The following ANKS1A variants were observed in gnomAD, a reference collection of about 807,000 sequenced individuals.
ANKS1A encodes ankyrin repeat and SAM domain-containing protein 1A.
In ANKS1A, 55 loss-of-function variants were observed where a neutral mutation model predicts 120.3. That is an observed-to-expected ratio of 0.46 (90% CI 0.37 to 0.57). The LOEUF is 0.57. ANKS1A is among the 20% of genes least tolerant of loss of function. The probability of loss-of-function intolerance (pLI) is 0.00; values close to 1 mark genes in which losing one functional copy is unlikely to be tolerated. For missense variants in ANKS1A, 1,123 were observed against 1,480.3 expected (o/e 0.76, Z 3.96); for synonymous variants, 590 against 604.7 (o/e 0.98, Z 0.36).
In ANKS1A at chr6:35,032,357, T is replaced by C. The variant is rs114903473; in HGVS notation, c.2010+14298T>C. Among the ~76,000 whole-genome samples the C allele has an allele frequency of 5.6e-3, 849 of 152,310 alleles. 5 individuals are homozygous for C. Among genetic ancestry groups the C allele is most frequent in the Middle Eastern group, 0.017 (5 of 294 alleles). On this transcript the variant is annotated intron_variant, in intron 11 of 23. Coordinates refer to ENST00000360359, the MANE Select transcript of ANKS1A (RefSeq NM_015245.3). The stretch of plus-strand genomic sequence containing the variant: ...AAACCTGCCCCCTTGCACTTTGAGC[T>C]TGACAGGTCTTTCCATCAGCAGCTC...
intron 8 of ANKS1A, 125 bp from the exon 9 acceptor site, chr6:34,989,099 T>G (rs905549195): frequency 9.5e-6 from 7 of 736,726 alleles, no homozygotes; most frequent in African/African-American, 8.9e-5. Flanking sequence ...AAACCTTGAC[T>G]TTAGTCTCTC....
chr6:34,995,685 C>G (rs1299528964), intron 10 of ANKS1A, among the ~76,000 whole-genome samples: 1 of 152,134 alleles, frequency 6.6e-6, no homozygotes, highest in African/African-American at 2.4e-5. Flanking sequence ...TGAGCCTGGC[C>G]CCTTTCACTT....
At chr6:35,076,071 C>A (rs1777339289) in intron 13 of ANKS1A, among the ~76,000 whole-genome samples, 1 of 152,312 alleles carries the variant, frequency 6.6e-6, no homozygotes, top group South Asian at 2.1e-4. Context: ...GGCCAATTTT[C>A]TTATTATGTA....
At chr6:35,080,154 C>A (rs989376410) in intron 16 of ANKS1A, among the ~76,000 whole-genome samples, 1 of 152,092 alleles carries the variant, frequency 6.6e-6, no homozygotes, top group African/African-American at 2.4e-5. Flanking sequence ...TAGGAAAACA[C>A]CAGGCCATGG....
chr6:34,957,865 A>G (rs567159284), intron 1 of ANKS1A, among the ~76,000 whole-genome samples: 11 of 152,328 alleles, frequency 7.2e-5, no homozygotes, highest in South Asian at 4.1e-4. Context: ...CATGTAATCA[A>G]CTATATGACA....
intron 10 of ANKS1A, among the ~76,000 whole-genome samples, chr6:35,013,991 G>A (rs933769438): frequency 3.3e-5 from 5 of 152,128 alleles, no homozygotes; most frequent in African/African-American, 1.2e-4. Context: ...TGCATTACAC[G>A]TATAATTTAA....
At chr6:34,956,795 T>C (rs185752793) in intron 1 of ANKS1A, among the ~76,000 whole-genome samples, 1 of 152,316 alleles carries the variant, frequency 6.6e-6, no homozygotes, top group Non-Finnish European at 1.5e-5. Context: ...TTCCTAATAT[T>C]CCTGCGTCTA....
chr6:35,079,905 C>T lies in ANKS1A; in HGVS notation c.2521C>T (p.Pro841Ser), dbSNP rs1777580161. 6.4e-7 allele frequency: 1 copy of T among 1,558,886 alleles called. No individual in the cohort carries two copies. Among genetic ancestry groups the T allele is most frequent in the Non-Finnish European group, 8.7e-7 (1 of 1,151,118 alleles). The change falls in exon 16 of 24, where the codon CCC becomes TCC. Residue 841 changes from proline to serine, a missense_variant. Transcript: ENST00000360359. Reference protein sequence around the residue: ...DRPYEEPPQKPPRFSQLRCQD... With the variant: ...DRPYEEPPQKSPRFSQLRCQD... ...ACCGTACGAGGAGCCGCCCCAGAAG[C>T]CCCCCAGATTCTCCCAGCTGAGGGT... is the stretch of plus-strand genomic sequence containing the variant.
At chr6:35,011,925 G>A (rs1401872955) in intron 10 of ANKS1A, among the ~76,000 whole-genome samples, 2 of 152,162 alleles carry the variant, frequency 1.3e-5, no homozygotes, top group Non-Finnish European at 2.9e-5. Flanking sequence ...GATCTTCAGG[G>A]TAGGGGCTAT....
At chr6:35,092,391 T>C (rs539786196), downstream of ANKS1A, among the ~76,000 whole-genome samples, 31 of 152,362 alleles carry the variant, frequency 2.0e-4, no homozygotes, top group African/African-American at 7.0e-4. Flanking sequence ...ACCTCTTTTA[T>C]TGGTAGAGAA....
intron 8 of ANKS1A, among the ~76,000 whole-genome samples, chr6:34,988,309 T>G (rs1772316266): frequency 6.6e-6 from 1 of 152,210 alleles, no homozygotes; most frequent in African/African-American, 2.4e-5. Context: ...AAAATGGGTT[T>G]AGATGGGCTG....
intron 11 of ANKS1A, among the ~76,000 whole-genome samples, chr6:35,028,835 T>C (rs1774758347): frequency 1.3e-5 from 2 of 152,350 alleles, no homozygotes; most frequent in Non-Finnish European, 2.9e-5. Flanking sequence ...TTCTTGTAGG[T>C]GGACATTCTA....
rs770028388 is a variant in ANKS1A, at chr6:35,044,992, C to G, written c.2011-9107C>G. Among the ~76,000 whole-genome samples the G allele has an allele frequency of 2.6e-4, 40 of 152,308 alleles. No homozygotes were observed. Among genetic ancestry groups the G allele is most frequent in the Non-Finnish European group, 4.6e-4 (31 of 68,030 alleles). On this transcript the variant is annotated intron_variant, in intron 11 of 23. Coordinates refer to ENST00000360359, the MANE Select transcript of ANKS1A (RefSeq NM_015245.3). This position sits in a 1 kb window ranked among gnomAD's most constrained non-coding sequence, Gnocchi z 4.4. ...GTCAAGTTACAGAGGGAAACAGGCA[C>G]AGTATCTCCTGCTATGGCCCTGGGA...
At chr6:35,036,500 T>C (rs1775178823) in intron 11 of ANKS1A, among the ~76,000 whole-genome samples, 1 of 152,266 alleles carries the variant, frequency 6.6e-6, no homozygotes, top group South Asian at 2.1e-4. Flanking sequence ...CTCTGCTGCA[T>C]AGCAACATCT....
intron 1 of ANKS1A, among the ~76,000 whole-genome samples, chr6:34,935,367 G>A (rs985873647): frequency 6.6e-6 from 1 of 152,210 alleles, no homozygotes; most frequent in Non-Finnish European, 1.5e-5. Context: ...GATTACAGGC[G>A]TGAGCCACTT....
chr6:34,978,949 G>T (rs1286220206), intron 3 of ANKS1A, among the ~76,000 whole-genome samples: 1 of 151,624 alleles, frequency 6.6e-6, no homozygotes, highest in Non-Finnish European at 1.5e-5. Flanking sequence ...AGGCTGGAGT[G>T]CAGTGGCGCA....
chr6:35,069,840 A>G (rs1055960459), intron 13 of ANKS1A, among the ~76,000 whole-genome samples: 11 of 152,018 alleles, frequency 7.2e-5, no homozygotes, highest in African/African-American at 2.4e-4. Context: ...CAGCCTGACC[A>G]ACAATGGCGA....
In ANKS1A at chr6:35,079,882, C is replaced by T. The variant is rs776622287; in HGVS notation, c.2498C>T (p.Pro833Leu). ...KRIIASLADRPYEEPPQKPPR... is the reference protein window; with the variant it reads ...KRIIASLADRLYEEPPQKPPR... ...ATCATCGCCTCCCTCGCAGACAGAC[C>T]GTACGAGGAGCCGCCCCAGAAGCCC... is the stretch of plus-strand genomic sequence containing the variant. The change falls in exon 16 of 24, where the codon CCG becomes CTG. Residue 833 changes from proline to leucine, a missense_variant. Transcript: ENST00000360359. 12 of 1,563,742 alleles carry T rather than the reference C, an allele frequency of 7.7e-6. No homozygotes were observed. The highest frequency in any genetic ancestry group is 1.0e-5 in the Non-Finnish European group (12 of 1,154,032).
intron 11 of ANKS1A, among the ~76,000 whole-genome samples, chr6:35,022,077 C>G (rs1165424364): frequency 6.6e-6 from 1 of 152,078 alleles, no homozygotes; most frequent in East Asian, 1.9e-4. Context: ...AGTTCAAACC[C>G]TTCAACTGGT....
Sources: gnomAD v4.1 joint callset for allele counts (sites outside exome capture counted in the v4.1 genomes callset) on GRCh38, gnomAD v4.1.1 for gene constraint, Gnocchi (gnomAD v3.1) non-coding constraint, MANE v1.5 for transcripts, NCBI Gene and HGNC (gene_info 2026-07-23, HGNC 2026-07-21) for gene names.